The following EPCAM variants were observed in gnomAD, a reference collection of about 807,000 sequenced individuals.
The protein encoded by EPCAM is epithelial cell adhesion molecule, also known as adenocarcinoma-associated antigen.
A neutral mutation model predicts 40.0 loss-of-function variants in EPCAM; 39 were observed. The observed-to-expected ratio is 0.98, with a 90% CI of 0.76 to 1.27. The LOEUF is 1.27. Among genes scored for constraint, EPCAM ranks in the 50% most tolerant of loss-of-function variants. The pLI is 0.00. For synonymous variants in EPCAM, 168 were observed against 132.3 expected (o/e 1.27, Z -1.85); for missense variants, 503 against 381.2 (o/e 1.32, Z -2.66).
chr2:47,372,898 CTT>C (rs961204717), intron 1 of EPCAM, among the ~76,000 whole-genome samples: 9 of 151,994 alleles, frequency 5.9e-5, no homozygotes, highest in African/African-American at 2.2e-4. Context: ...GAGCTGTGTT[CTT>C]GTTTTAAAAA....
At position 47,385,208 on chromosome 2, in the gene EPCAM, G is replaced by T. The variant is rs1437756815; in HGVS notation, c.901G>T (p.Glu301Ter). 6.2e-7 allele frequency: 1 copy of T among 1,611,720 alleles called. No homozygotes were observed. Among genetic ancestry groups the T allele is most frequent in the African/African-American group, 1.3e-5 (1 of 74,882 alleles). Residue 301 changes from glutamate (E) to a stop codon, truncating the protein, a stop_gained and splice_region_variant, in exon 8 of 9, where the codon GAG becomes TAG. Transcript: ENST00000263735. LOFTEE classifies it high-confidence loss of function. ...GAGAATGGCAAAGTATGAGAAGGCTGAGGTAAATGGATTACTTACCTAAAT... is the reference window on the plus strand; with the variant it reads ...GAGAATGGCAAAGTATGAGAAGGCTTAGGTAAATGGATTACTTACCTAAAT... ...KKRMAKYEKA[E>*]IKEMGEMHRE...
rs753816014 is a variant in EPCAM at position 47,386,565 on chromosome 2, G to C, written c.904-7G>C. ...AGAATTTTTTTCTGTGCTTTTTCCTGTTTCAGATAAAGGAGATGGGTGAGA... is the reference window on the plus strand; with the variant it reads ...AGAATTTTTTTCTGTGCTTTTTCCTCTTTCAGATAAAGGAGATGGGTGAGA... On this transcript the variant is annotated splice_polypyrimidine_tract_variant and splice_region_variant and intron_variant, in intron 8 of 8. Coordinates refer to ENST00000263735, the MANE Select transcript of EPCAM (RefSeq NM_002354.3). 26 of 1,597,156 alleles carry C rather than the reference G, an allele frequency of 1.6e-5. No homozygotes were observed. The East Asian group carries it at 5.1e-4, about 32-fold the overall frequency.
At chr2:47,379,519 A>G (rs977555203) in intron 6 of EPCAM, among the ~76,000 whole-genome samples, 2 of 152,146 alleles carry the variant, frequency 1.3e-5, no homozygotes, top group African/African-American at 4.8e-5. Flanking sequence ...AAGAGAGGCT[A>G]TGTGTTGTTG....
chr2:47,378,460 G>C (rs1185249009), intron 5 of EPCAM, among the ~76,000 whole-genome samples: 4 of 151,632 alleles, frequency 2.6e-5, no homozygotes, highest in Non-Finnish European at 5.9e-5. Flanking sequence ...GTGTCACCAC[G>C]CCTGGCTAAT....
At chr2:47,386,399 G>A (rs1426220195) in intron 8 of EPCAM, among the ~76,000 whole-genome samples, 173 bp from the exon 9 acceptor site, 4 of 152,004 alleles carry the variant, frequency 2.6e-5, no homozygotes. Flanking sequence ...ACACTTAAAT[G>A]TGTGTTTCCT....
chr2:47,381,956 G>A (rs911655007), intron 7 of EPCAM, among the ~76,000 whole-genome samples: 2 of 152,002 alleles, frequency 1.3e-5, no homozygotes, highest in African/African-American at 2.4e-5. Flanking sequence ...TAGTAGAGAC[G>A]AATTCTTGCT....
In EPCAM at chr2:47,369,625, G is replaced by A. The variant is rs1306181343; in HGVS notation, c.76+44G>A. On this transcript the variant is annotated intron_variant, in intron 1 of 8. Coordinates refer to ENST00000263735, the MANE Select transcript of EPCAM (RefSeq NM_002354.3). ...CAGAGTTGTGGAGCTGGGCTGGGCT[G>A]GGGGGCAGCGGCCCCCGGCCCTCGG... is the stretch of plus-strand genomic sequence containing the variant. The A allele has an allele frequency of 4.6e-6, 7 of 1,534,850 alleles. No individual in the cohort carries two copies. In the South Asian group the frequency reaches 5.9e-5, roughly 13 times the overall value.
At chr2:47,379,226 T>C (rs1222137996) in intron 6 of EPCAM, among the ~76,000 whole-genome samples, 172 bp downstream of exon 6, 1 of 152,218 alleles carries the variant, frequency 6.6e-6, no homozygotes. Context: ...TTTGTATATT[T>C]ATGCCTCTTA....
At chr2:47,382,332 A>T (rs772890062) in intron 7 of EPCAM, among the ~76,000 whole-genome samples, 1 of 152,204 alleles carries the variant, frequency 6.6e-6, no homozygotes, top group Non-Finnish European at 1.5e-5. Flanking sequence ...TTCTGTAGAA[A>T]TAAATGAAAA....
chr2:47,380,349 A>G (rs1224101731), intron 7 of EPCAM, among the ~76,000 whole-genome samples: 3 of 152,186 alleles, frequency 2.0e-5, no homozygotes, highest in Non-Finnish European at 2.9e-5. Flanking sequence ...TGAAAAAGTA[A>G]CATCCATATT....
At chr2:47,386,505 A>G (rs1671745510) in intron 8 of EPCAM, 67 bp from the exon 9 acceptor site, 3 of 1,208,388 alleles carry the variant, frequency 2.5e-6, no homozygotes, top group Admixed American at 3.6e-5. Flanking sequence ...ATTTAATACT[A>G]TTTTCAGAAT....
intron 5 of EPCAM, among the ~76,000 whole-genome samples, chr2:47,377,966 C>T (rs1008352929): frequency 2.0e-5 from 3 of 152,052 alleles, no homozygotes; most frequent in Admixed American, 6.6e-5. Context: ...GGCACGGTGG[C>T]TCACGCCTGT....
chr2:47,370,899 A>G (rs1163298104), intron 1 of EPCAM, among the ~76,000 whole-genome samples: 3 of 151,516 alleles, frequency 2.0e-5, no homozygotes, highest in Non-Finnish European at 4.4e-5. Flanking sequence ...TTTTTTGTAG[A>G]GAGGGGTTTC....
chr2:47,373,775 T>C, intron 2 of EPCAM, 33 bp from the exon 3 acceptor site: 1 of 1,613,822 alleles, frequency 6.2e-7, no homozygotes, highest in East Asian at 2.2e-5. Context: ...AAATCAGTTA[T>C]TTTTCAGTTT....
chr2:47,375,569 A>C (rs1462296219), intron 4 of EPCAM, among the ~76,000 whole-genome samples: 1 of 152,146 alleles, frequency 6.6e-6, no homozygotes, highest in Admixed American at 6.6e-5. Flanking sequence ...GCATGTATAA[A>C]TATTTTTCCC....
intron 5 of EPCAM, among the ~76,000 whole-genome samples, chr2:47,378,091 T>C (rs948467013): frequency 1.3e-5 from 2 of 151,798 alleles, no homozygotes; most frequent in African/African-American, 4.8e-5. Context: ...AATAGCCGAA[T>C]GTGGTGGTGG....
In EPCAM at chr2:47,385,216, T is replaced by C. The variant is rs750518810; in HGVS notation, c.903+6T>C. 1.2e-6 allele frequency: 2 copies of C among 1,610,558 alleles called. No individual in the cohort carries two copies. Among genetic ancestry groups the C allele is most frequent in the South Asian group, 2.2e-5 (2 of 90,996 alleles). On this transcript the variant is annotated splice_donor_region_variant and intron_variant, in intron 8 of 8. Transcript: ENST00000263735. The stretch of plus-strand genomic sequence containing the variant: ...CAAAGTATGAGAAGGCTGAGGTAAA[T>C]GGATTACTTACCTAAATAGAAAGGC...
intron 7 of EPCAM, among the ~76,000 whole-genome samples, chr2:47,382,682 G>C (rs1289668744): frequency 1.4e-4 from 21 of 152,084 alleles, no homozygotes. Flanking sequence ...GCAAAACTCT[G>C]TCTCAAAAAA....
rs1380446626 is a variant in EPCAM, at chr2:47,379,786, G to A, written c.675G>A (p.Leu225=). 3 of 1,613,358 alleles carry A rather than the reference G, an allele frequency of 1.9e-6. No individual in the cohort carries two copies. Among genetic ancestry groups the A allele is most frequent in the Non-Finnish European group, 2.5e-6 (3 of 1,179,868 alleles). ...YFEKDVKGES[L]FHSKKMDLTV... is the part of the protein sequence containing the mutation. Reference sequence around the variant, plus strand: ...CAATACAGGTTAAAGGTGAATCCTTGTTTCATTCTAAGAAAATGGACCTGA... The same window carrying A: ...CAATACAGGTTAAAGGTGAATCCTTATTTCATTCTAAGAAAATGGACCTGA... The change falls in exon 7 of 9, where the codon TTG becomes TTA. Residue 225 remains leucine (L), a synonymous_variant. Transcript: ENST00000263735.
Sources: gnomAD v4.1 joint callset for allele counts (sites outside exome capture counted in the v4.1 genomes callset) on GRCh38, gnomAD v4.1.1 for gene constraint, MANE v1.5 for transcripts, NCBI Gene and HGNC (gene_info 2026-07-23, HGNC 2026-07-21) for gene names.